ADGB: variants seen among roughly 807,000 people sequenced by gnomAD.
The protein encoded by ADGB is androglobin.
A neutral mutation model predicts 210.5 loss-of-function variants in ADGB; 172 were observed. The observed-to-expected ratio is 0.82, with a 90% CI of 0.72 to 0.93. The LOEUF (loss-of-function observed/expected upper bound fraction) is 0.93, where lower values mean the gene tolerates loss of function less well. Ranked by LOEUF, ADGB falls within the 40% of genes least tolerant of loss-of-function variation. The probability of loss-of-function intolerance (pLI) is 0.00; values close to 1 mark genes in which losing one functional copy is unlikely to be tolerated. For synonymous variants in ADGB, 658 were observed against 662.7 expected (o/e 0.99, Z 0.11); for missense variants, 2,025 against 1,964.8 (o/e 1.03, Z -0.58).
intron 13 of ADGB, among the ~76,000 whole-genome samples, chr6:146,705,159 G>A (rs991282238): frequency 2.6e-5 from 4 of 151,962 alleles, no homozygotes; most frequent in Admixed American, 6.6e-5. Flanking sequence ...ACTTTATTGA[G>A]TTTATATATT....
intron 30 of ADGB, among the ~76,000 whole-genome samples, chr6:146,782,675 G>C (rs1185995510): frequency 1.3e-5 from 2 of 152,110 alleles, no homozygotes; most frequent in African/African-American, 4.8e-5. Context: ...GATGAGGCTG[G>C]AGGGGTCAGT....
At position 146,684,952 on chromosome 6, in the gene ADGB, T is replaced by G. The variant is rs6918657; in HGVS notation, c.1217-782T>G. Reference sequence around the variant, plus strand: ...GATTTTCATATCTCCATTCTAGACATATACTGGGCTGACAACTAATTTATG... The same window carrying G: ...GATTTTCATATCTCCATTCTAGACAGATACTGGGCTGACAACTAATTTATG... On this transcript the variant is annotated intron_variant, in intron 9 of 35. Coordinates refer to ENST00000397944, the MANE Select transcript of ADGB (RefSeq NM_024694.4). 6.7e-3 allele frequency among the ~76,000 whole-genome samples: 1,017 copies of G among 152,224 alleles called. 13 individuals carry two copies. Among genetic ancestry groups the G allele is most frequent in the African/African-American group, 0.024 (981 of 41,574 alleles).
intron 33 of ADGB, among the ~76,000 whole-genome samples, chr6:146,800,778 GC>G (rs571316325): frequency 3.7e-4 from 57 of 152,152 alleles, no homozygotes; most frequent in African/African-American, 1.3e-3. Flanking sequence ...TATATCCCAA[GC>G]CCGGTAGTAC....
At chr6:146,710,805 C>T (rs1776648024) in intron 13 of ADGB, among the ~76,000 whole-genome samples, 1 of 152,106 alleles carries the variant, frequency 6.6e-6, no homozygotes, top group South Asian at 2.1e-4. Context: ...ATTTTTCAGT[C>T]TTCTCCAGAG....
At chr6:146,788,359 T>G in intron 32 of ADGB, 30 bp from the exon 33 acceptor site, 1 of 1,541,748 alleles carries the variant, frequency 6.5e-7, no homozygotes, top group Non-Finnish European at 8.8e-7. Context: ...GAACGCCAGC[T>G]TTTTCAGTAA....
chr6:146,803,380 G>C, intron 35 of ADGB: 2 of 1,607,466 alleles, frequency 1.2e-6, no homozygotes. Flanking sequence ...TTTTCAGTCT[G>C]GTGGCCTGCA....
intron 1 of ADGB, among the ~76,000 whole-genome samples, chr6:146,616,078 A>AT (rs1277449877): frequency 6.6e-6 from 1 of 151,742 alleles, no homozygotes; most frequent in African/African-American, 2.4e-5. Flanking sequence ...AGCATTTGTT[A>AT]TTTTTTGTCT....
chr6:146,681,361 C>T (rs888134266), intron 9 of ADGB, among the ~76,000 whole-genome samples: 1 of 152,132 alleles, frequency 6.6e-6, no homozygotes, highest in African/African-American at 2.4e-5. Flanking sequence ...CCCCTGAGGC[C>T]TCCCCAGAAA....
intron 12 of ADGB, among the ~76,000 whole-genome samples, chr6:146,698,625 C>T (rs1355830815): frequency 6.6e-6 from 1 of 152,158 alleles, no homozygotes; most frequent in African/African-American, 2.4e-5. Context: ...TGGCAGTTGG[C>T]AATGTCAAGC....
At chr6:146,625,321 T>C (rs1445260852) in intron 1 of ADGB, among the ~76,000 whole-genome samples, 1 of 152,118 alleles carries the variant, frequency 6.6e-6, no homozygotes, top group Non-Finnish European at 1.5e-5. Context: ...TGAAATCACA[T>C]TCTTTTATTA....
Position 146,669,039 on chromosome 6 carries a change from G to A in ADGB, c.839+2137G>A, listed in dbSNP as rs570947751. 2.0e-5 allele frequency among the ~76,000 whole-genome samples: 3 copies of A among 152,202 alleles called. No individual in the cohort carries two copies. In the South Asian group the frequency reaches 6.2e-4, roughly 32 times the overall value. ...TTTTTCATAGTGCAGCATATTTTAT[G>A]TGGTAGATGGGAAATACAACCTAGA... On this transcript the variant is annotated intron_variant, in intron 7 of 35. Coordinates refer to ENST00000397944, the MANE Select transcript of ADGB (RefSeq NM_024694.4).
At position 146,656,899 on chromosome 6, in the gene ADGB, A is replaced by G. The variant is rs893247133; in HGVS notation, c.531A>G (p.Ile177Met). Reference sequence around the variant, plus strand: ...TCCCCTGGAAGCCCTGGGAACACATATACTCTCTGTGCAAGGCTGTGAAGG... The same window carrying G: ...TCCCCTGGAAGCCCTGGGAACACATGTACTCTCTGTGCAAGGCTGTGAAGG... ...PLLPWKPWEHIYSLCKAVKGH... is the reference protein window; with the variant it reads ...PLLPWKPWEHMYSLCKAVKGH... Residue 177 changes from isoleucine to methionine, a missense_variant, in exon 5 of 36, where the codon ATA becomes ATG. Coordinates refer to ENST00000397944, the MANE Select transcript of ADGB (RefSeq NM_024694.4). 3.2e-6 allele frequency: 5 copies of G among 1,551,556 alleles called. No individual in the cohort carries two copies. Among genetic ancestry groups the G allele is most frequent in the Non-Finnish European group, 4.4e-6 (5 of 1,146,914 alleles).
chr6:146,631,177 T>C (rs554178289), intron 1 of ADGB, among the ~76,000 whole-genome samples: 4 of 152,328 alleles, frequency 2.6e-5, no homozygotes, highest in African/African-American at 9.6e-5. Context: ...AACAGTATAA[T>C]TGCACTCTTT....
intron 35 of ADGB, among the ~76,000 whole-genome samples, chr6:146,812,232 CAT>C (rs201999485): frequency 0.055 from 8,346 of 152,130 alleles, 515 homozygotes; most frequent in African/African-American, 0.15. Context: ...GAAGCAGGTT[CAT>C]ATAAATGACA....
At chr6:146,672,585 C>A in intron 8 of ADGB, 118 bp downstream of exon 8, 4 of 1,219,524 alleles carry the variant, frequency 3.3e-6, no homozygotes, top group Non-Finnish European at 4.4e-6. Context: ...AGAGAGGGTT[C>A]TTGGATCTCA....
chr6:146,805,808 G>T (rs1285242254), intron 35 of ADGB, among the ~76,000 whole-genome samples: 1 of 152,092 alleles, frequency 6.6e-6, no homozygotes, highest in Admixed American at 6.6e-5. Flanking sequence ...CTCAAAATTT[G>T]TGTAACCGTG....
chr6:146,688,774 T>C (rs887949956), intron 10 of ADGB, among the ~76,000 whole-genome samples: 2 of 152,098 alleles, frequency 1.3e-5, no homozygotes, highest in African/African-American at 2.4e-5. Flanking sequence ...CAGAATATAA[T>C]GGAGATACAA....
intron 35 of ADGB, chr6:146,807,480 C>G (rs1562307044): frequency 7.7e-6 from 12 of 1,551,620 alleles, no homozygotes; most frequent in Non-Finnish European, 9.6e-6. Context: ...AGCTGAGCAC[C>G]TAAAGCTGGA....
intron 35 of ADGB, chr6:146,803,173 C>T (rs1778157567): frequency 1.3e-6 from 2 of 1,489,456 alleles, no homozygotes; most frequent in Non-Finnish European, 1.9e-6. Context: ...GCTACAAGTT[C>T]ACTTATACTT....
Sources: gnomAD v4.1 joint callset for allele counts (sites outside exome capture counted in the v4.1 genomes callset) on GRCh38, gnomAD v4.1.1 for gene constraint, MANE v1.5 for transcripts, NCBI Gene and HGNC (gene_info 2026-07-23, HGNC 2026-07-21) for gene names.